The following SLAIN2 variants were observed in gnomAD, a reference collection of about 807,000 sequenced individuals.
SLAIN2 encodes SLAIN motif-containing protein 2.
A neutral mutation model predicts 56.6 loss-of-function variants in SLAIN2; 31 were observed. The observed-to-expected ratio is 0.55, with a 90% CI of 0.41 to 0.74. SLAIN2 has a LOEUF of 0.74. Ranked by LOEUF, SLAIN2 falls within the 30% of genes least tolerant of loss-of-function variation. SLAIN2 has a pLI of 0.00. For missense variants in SLAIN2, 777 were observed against 754.2 expected, an observed-to-expected ratio of 1.03 and a Z score of -0.35; for synonymous variants, 317 against 284.9, an observed-to-expected ratio of 1.11 and a Z score of -1.13.
intron 1 of SLAIN2, among the ~76,000 whole-genome samples, chr4:48,355,082 A>G (rs1028091018): frequency 1.7e-4 from 26 of 151,758 alleles, no homozygotes; most frequent in African/African-American, 5.8e-4. Context: ...GGGTTTCGCC[A>G]TGTTGGCCAG....
At position 48,423,165 on chromosome 4, in the gene SLAIN2, A is replaced by G. The variant is rs1717207941; in HGVS notation, c.*1088A>G. 6.6e-6 allele frequency: 1 copy of G among 152,194 alleles called. No homozygotes were observed. Among genetic ancestry groups the G allele is most frequent in the African/African-American group, 2.4e-5 (1 of 41,468 alleles). The allele number at this position is 152,194 out of a possible 1,614,324, so 9.4% of individuals were successfully genotyped here. ...GTGGTAGGAAAATATAGCCTGCTAAATCCTACTTAAGTTGATCCACTTTAA... is the reference window on the plus strand; with the variant it reads ...GTGGTAGGAAAATATAGCCTGCTAAGTCCTACTTAAGTTGATCCACTTTAA... On this transcript the variant is annotated 3_prime_UTR_variant, in exon 8 of 8. Coordinates refer to ENST00000264313, the MANE Select transcript of SLAIN2 (RefSeq NM_020846.2).
At chr4:48,395,828 T>TTTTTTTTGG (rs1716364831) in intron 6 of SLAIN2, among the ~76,000 whole-genome samples, 1 of 147,058 alleles carries the variant, frequency 6.8e-6, no homozygotes, top group Non-Finnish European at 1.5e-5. Context: ...TTTTTTTTTT[T>TTTTTTTTGG]GAGACTTTTC....
At chr4:48,419,165 C>T (rs1281648639) in intron 6 of SLAIN2, among the ~76,000 whole-genome samples, 3 of 151,620 alleles carry the variant, frequency 2.0e-5, no homozygotes, top group Non-Finnish European at 2.9e-5. Flanking sequence ...TGCAGTACCG[C>T]GATCCCCGCT....
rs868491083 is a variant in SLAIN2, at chr4:48,379,717, C to A, written c.731C>A (p.Pro244His). ...SGNLKSSDRN[P>H]PLSPQSSIDS... ...AACTTGAAAAGCTCAGACAGAAATC[C>A]TCCACTCAGTCCTCAGTCCTCTATA... Residue 244 changes from proline (P) to histidine (H), a missense_variant, in exon 4 of 8, where the codon CCT (proline) becomes CAT (histidine). Pro to His is a moderately conservative substitution (Grantham distance 77). Coordinates refer to ENST00000264313, the MANE Select transcript of SLAIN2 (RefSeq NM_020846.2). The A allele has an allele frequency of 6.8e-7, 1 of 1,464,260 alleles. No individual in the cohort carries two copies. The highest frequency in any genetic ancestry group is 9.0e-7 in the Non-Finnish European group (1 of 1,108,582). The allele number at this position is 1,464,260 out of a possible 1,614,324, so 90.7% of individuals were successfully genotyped here.
At chr4:48,352,749 T>G (rs1715044367) in intron 1 of SLAIN2, among the ~76,000 whole-genome samples, 2 of 152,230 alleles carry the variant, frequency 1.3e-5, no homozygotes, top group Non-Finnish European at 2.9e-5. Context: ...AGTTTCGTAT[T>G]CTAGTTACTT....
intron 1 of SLAIN2, among the ~76,000 whole-genome samples, chr4:48,352,006 T>G (rs147602139): frequency 1.3e-5 from 2 of 152,306 alleles, no homozygotes; most frequent in Non-Finnish European, 2.9e-5. Flanking sequence ...AGATCTTAAC[T>G]AAAGGGATGT....
Position 48,342,015 on chromosome 4 carries a change from G to A in SLAIN2, c.276G>A (p.Arg92=), listed in dbSNP as rs1296365569. ...GPRRTSSEEL[R]DATSLLAAGE... ...GGCGGACGAGTAGCGAAGAGCTGCG[G>A]GACGCCACCTCCTTGCTAGCGGCGG... The change falls in exon 1 of 8, where the codon CGG becomes CGA. Residue 92 remains arginine (R), a synonymous_variant. Transcript: ENST00000264313. 2.3e-5 allele frequency: 32 copies of A among 1,417,566 alleles called. No individual in the cohort carries two copies. Among genetic ancestry groups the A allele is most frequent in the East Asian group, 3.0e-5 (1 of 33,114 alleles). The allele number at this position is 1,417,566 out of a possible 1,614,324, so 87.8% of individuals were successfully genotyped here. A position where few individuals can be genotyped will look rare whatever the true frequency, so the allele number is the denominator to read the frequency against.
At chr4:48,420,604 T>A in intron 7 of SLAIN2, 161 bp downstream of exon 7, 1 of 844,806 alleles carries the variant, frequency 1.2e-6, no homozygotes, top group East Asian at 2.7e-5. Context: ...ACATTGTTTT[T>A]AAGAAATCCT....
At chr4:48,368,565 G>A (rs1254663681) in intron 1 of SLAIN2, among the ~76,000 whole-genome samples, 1 of 152,136 alleles carries the variant, frequency 6.6e-6, no homozygotes, top group Non-Finnish European at 1.5e-5. Context: ...AACATTTGCT[G>A]ACATAGGATA....
At chr4:48,383,834 A>G (rs781102898) in intron 6 of SLAIN2, 50 bp downstream of exon 6, 3 of 1,549,994 alleles carry the variant, frequency 1.9e-6, no homozygotes, top group Non-Finnish European at 2.6e-6. Context: ...AAGAGAAGTG[A>G]AAATTTTAGA....
intron 2 of SLAIN2, among the ~76,000 whole-genome samples, chr4:48,377,177 CA>C (rs922399167): frequency 4.7e-5 from 7 of 150,180 alleles, no homozygotes; most frequent in African/African-American, 1.5e-4. Context: ...CACATCTCTA[CA>C]AAAAAATATA....
intron 4 of SLAIN2, among the ~76,000 whole-genome samples, chr4:48,380,338 T>C (rs1323157648): frequency 2.6e-5 from 4 of 152,268 alleles, no homozygotes; most frequent in Non-Finnish European, 1.5e-5. Context: ...TATACAATTA[T>C]GACATCTAGG....
At position 48,420,380 on chromosome 4, in the gene SLAIN2, C is replaced by G; in HGVS notation, c.1616C>G (p.Pro539Arg). 6.2e-7 allele frequency: 1 copy of G among 1,613,990 alleles called. No individual in the cohort carries two copies. Among genetic ancestry groups the G allele is most frequent in the East Asian group, 2.2e-5 (1 of 44,874 alleles). ...TTAMRSGLPR[P>R]SAPSAGGIPV... is the part of the protein sequence containing the mutation. The stretch of plus-strand genomic sequence containing the variant: ...GCAATGAGAAGTGGCTTGCCCAGAC[C>G]CAGTGCCCCTTCTGCTGGGGGCATA... The change falls in exon 7 of 8, where the codon CCC becomes CGC. Residue 539 changes from proline (P) to arginine (R), a missense_variant. Transcript: ENST00000264313.
rs1356157082 is a variant in SLAIN2 at position 48,377,868 on chromosome 4, T to C, written c.539-28T>C. Reference sequence around the variant, plus strand: ...CGTTAACTTTTTCTCAGTTGTTAAATTTGATTTTCCCCTTCTCATTAATGC... The same window carrying C: ...CGTTAACTTTTTCTCAGTTGTTAAACTTGATTTTCCCCTTCTCATTAATGC... On this transcript the variant is annotated intron_variant, in intron 2 of 7. Transcript: ENST00000264313. 4 of 1,591,390 alleles carry C rather than the reference T, an allele frequency of 2.5e-6. No individual in the cohort carries two copies. The African/African-American group carries it at 5.4e-5, about 22-fold the overall frequency.
In SLAIN2 at chr4:48,378,028, TA is replaced by T; in HGVS notation, c.672del (p.Ile224MetfsTer14). On this transcript the variant is annotated frameshift_variant, in exon 3 of 8. Coordinates refer to ENST00000264313, the MANE Select transcript of SLAIN2 (RefSeq NM_020846.2). LOFTEE classifies it high-confidence loss of function. Reference sequence around the variant, plus strand: ...TCCTCAACCCCAGTGCGACCTCCTATAGTCAAACAGCTTATACTTCCTGGAA... The same window carrying T: ...TCCTCAACCCCAGTGCGACCTCCTATGTCAAACAGCTTATACTTCCTGGAA... Reference protein sequence around the residue: ...SPSSTPVRPPIVKQLILPGNS... With the variant: ...SPSSTPVRPPXVKQLILPGNS... 6.2e-7 allele frequency: 1 copy of T among 1,613,744 alleles called. No homozygotes were observed. The highest frequency in any genetic ancestry group is 8.5e-7 in the Non-Finnish European group (1 of 1,179,804).
At position 48,341,718 on chromosome 4, in the gene SLAIN2, C is replaced by G. The variant is rs933512521; in HGVS notation, c.-22C>G. 7 of 1,467,764 alleles carry G rather than the reference C, an allele frequency of 4.8e-6. No homozygotes were observed. In the African/African-American group the frequency reaches 8.8e-5, roughly 18 times the overall value. 90.9% of individuals were successfully genotyped at this position (1,467,764 alleles called of 1,614,324 possible). A position where few individuals can be genotyped will look rare whatever the true frequency, so the allele number is the denominator to read the frequency against. On this transcript the variant is annotated 5_prime_UTR_variant, in exon 1 of 8. Coordinates refer to ENST00000264313, the MANE Select transcript of SLAIN2 (RefSeq NM_020846.2). ...TGCGAGAGCGAGCGGGCGGCGGAGG[C>G]GGCGGCGGCGGCGGGGCCGGGATGG...
chr4:48,408,082 A>G (rs1179427882), intron 6 of SLAIN2, among the ~76,000 whole-genome samples: 2 of 152,170 alleles, frequency 1.3e-5, no homozygotes, highest in Non-Finnish European at 2.9e-5. Flanking sequence ...CATGCCTATA[A>G]TGCCAGCACT....
intron 6 of SLAIN2, among the ~76,000 whole-genome samples, chr4:48,409,027 A>G (rs1254802159): frequency 1.3e-5 from 2 of 152,178 alleles, no homozygotes; most frequent in Non-Finnish European, 2.9e-5. Flanking sequence ...TTTGTAGCCT[A>G]GGAGCCATAG....
At chr4:48,368,777 A>C (rs971441074) in intron 1 of SLAIN2, among the ~76,000 whole-genome samples, 9 of 152,344 alleles carry the variant, frequency 5.9e-5, no homozygotes, top group African/African-American at 2.2e-4. Context: ...AGAAATGGTC[A>C]TCTACCCCAT....
Sources: allele counts gnomAD v4.1 joint callset (sites outside exome capture counted in the v4.1 genomes callset), GRCh38; gene constraint gnomAD v4.1.1; transcripts MANE v1.5; gene names NCBI Gene and HGNC (gene_info 2026-07-23, HGNC 2026-07-21).